The following CCDC91 variants were observed in gnomAD, a reference collection of about 807,000 sequenced individuals.
CCDC91 encodes the protein coiled-coil domain-containing protein 91.
Under a neutral mutation model 63.2 loss-of-function variants are expected in CCDC91, and 48 were observed. The observed-to-expected ratio is 0.76, with a 90% CI of 0.60 to 0.97. CCDC91 has a LOEUF of 0.97. Ranked by LOEUF, CCDC91 falls within the 50% of genes least tolerant of loss-of-function variation. The probability of loss-of-function intolerance (pLI) is 0.00; values close to 1 mark genes in which losing one functional copy is unlikely to be tolerated. For synonymous variants in CCDC91, 167 were observed against 165.8 expected (o/e 1.01, Z -0.06); for missense variants, 500 against 494.6 (o/e 1.01, Z -0.10).
At chr12:28,446,233 A>C (rs1949493939) in intron 8 of CCDC91, among the ~76,000 whole-genome samples, 1 of 152,224 alleles carries the variant, frequency 6.6e-6, no homozygotes, top group African/African-American at 2.4e-5. Context: ...AAATGTTCAT[A>C]GAACTAACAT....
chr12:28,536,002 G>A (rs763675824), intron 12 of CCDC91, among the ~76,000 whole-genome samples: 2 of 150,880 alleles, frequency 1.3e-5, no homozygotes, highest in Admixed American at 6.6e-5. Context: ...GCATTCCAGC[G>A]TGGGTGACAG....
At chr12:28,473,938 C>G (rs562575892) in intron 11 of CCDC91, among the ~76,000 whole-genome samples, 1 of 151,304 alleles carries the variant, frequency 6.6e-6, no homozygotes, top group South Asian at 2.1e-4. Flanking sequence ...ATGATCCACT[C>G]GGAAATTTAA....
chr12:28,494,493 C>T (rs1952178126), intron 12 of CCDC91, among the ~76,000 whole-genome samples: 1 of 151,636 alleles, frequency 6.6e-6, no homozygotes, highest in Non-Finnish European at 1.5e-5. Context: ...AGAAATTTTA[C>T]TGAGGTATAG....
intron 1 of CCDC91, among the ~76,000 whole-genome samples, chr12:28,219,112 A>G (rs1943762899): frequency 6.6e-6 from 1 of 152,156 alleles, no homozygotes; most frequent in South Asian, 2.1e-4. Flanking sequence ...CCAACACTTG[A>G]TATTGTGAAT....
At chr12:28,515,583 G>A (rs1478076007) in intron 12 of CCDC91, among the ~76,000 whole-genome samples, 1 of 151,806 alleles carries the variant, frequency 6.6e-6, no homozygotes, top group Non-Finnish European at 1.5e-5. Flanking sequence ...AAAATACATA[G>A]GAGAGTGATA....
chr12:28,338,029 A>AGTCTTG (rs1942120752), intron 6 of CCDC91, among the ~76,000 whole-genome samples: 1 of 152,184 alleles, frequency 6.6e-6, no homozygotes, highest in Non-Finnish European at 1.5e-5. Flanking sequence ...AAGAGACAGA[A>AGTCTTG]GTCTTGAATT....
At chr12:28,438,743 C>T (rs1197448726) in intron 8 of CCDC91, among the ~76,000 whole-genome samples, 1 of 151,952 alleles carries the variant, frequency 6.6e-6, no homozygotes, top group Non-Finnish European at 1.5e-5. Flanking sequence ...AGTTGAGAGA[C>T]TTACAACTTA....
chr12:28,397,406 G>A (rs1347928220), intron 8 of CCDC91, among the ~76,000 whole-genome samples: 2 of 152,104 alleles, frequency 1.3e-5, no homozygotes, highest in Non-Finnish European at 2.9e-5. Context: ...CCTATGAAGT[G>A]GAAACATTTT....
chr12:28,515,362 C>A (rs1939832632), intron 12 of CCDC91, among the ~76,000 whole-genome samples: 1 of 151,730 alleles, frequency 6.6e-6, no homozygotes. Context: ...TTCACATATC[C>A]ATGTATTCTC....
rs375599917 is a variant in CCDC91, at chr12:28,296,389, G to A, written c.110-9260G>A. 2.1e-4 allele frequency among the ~76,000 whole-genome samples: 32 copies of A among 151,846 alleles called. No homozygotes were observed. The South Asian group carries it at 6.3e-3, about 30-fold the overall frequency. ...GAACACTGTTATTCCTCAAAGAAGCGAGTAGAGGTGGAGTCTTTGTTTATA... is the reference window on the plus strand; with the variant it reads ...GAACACTGTTATTCCTCAAAGAAGCAAGTAGAGGTGGAGTCTTTGTTTATA... On this transcript the variant is annotated intron_variant, in intron 3 of 12. Transcript: ENST00000536442.
At chr12:28,408,397 G>A (rs1288347316) in intron 8 of CCDC91, among the ~76,000 whole-genome samples, 5 of 152,122 alleles carry the variant, frequency 3.3e-5, no homozygotes, top group Admixed American at 3.3e-4. Flanking sequence ...ATGGACATTT[G>A]GGTTTGTTCC....
chr12:28,197,356 G>C (rs951078351), intron 1 of CCDC91, among the ~76,000 whole-genome samples: 1 of 152,080 alleles, frequency 6.6e-6, no homozygotes, highest in Non-Finnish European at 1.5e-5. Context: ...TGTTTCCACT[G>C]ATCTATACAG....
chr12:28,532,529 CAG>C (rs372156112), intron 12 of CCDC91, among the ~76,000 whole-genome samples: 3 of 151,868 alleles, frequency 2.0e-5, no homozygotes, highest in African/African-American at 7.2e-5. Context: ...ATGGGAGAGA[CAG>C]AGGGATGAAT....
chr12:28,240,884 A>G (rs1461365826), intron 1 of CCDC91, among the ~76,000 whole-genome samples: 1 of 152,196 alleles, frequency 6.6e-6, no homozygotes, highest in Admixed American at 6.5e-5. Flanking sequence ...ATAAATACCT[A>G]GGAGTACAAT....
intron 12 of CCDC91, among the ~76,000 whole-genome samples, chr12:28,544,607 GAC>G (rs374774438): frequency 8.6e-5 from 13 of 151,356 alleles, no homozygotes; most frequent in Non-Finnish European, 1.2e-4. Context: ...ATGTGTATTT[GAC>G]ACACACACAC....
At position 28,384,467 on chromosome 12, in the gene CCDC91, A is replaced by G. The variant is rs545944357; in HGVS notation, c.655-6837A>G. ...CTTCCATGCATATGTGTAGCCCACC[A>G]AAATCAATGCTACATATTTTCATTC... On this transcript the variant is annotated intron_variant, in intron 7 of 12. Transcript: ENST00000536442. Among the ~76,000 whole-genome samples the G allele has an allele frequency of 6.6e-5, 10 of 152,248 alleles. No homozygotes were observed. The East Asian group carries it at 1.9e-3, about 29-fold the overall frequency.
intron 7 of CCDC91, among the ~76,000 whole-genome samples, chr12:28,387,176 C>T (rs1945656114): frequency 6.6e-6 from 1 of 152,146 alleles, no homozygotes; most frequent in African/African-American, 2.4e-5. Flanking sequence ...TGTATATCCA[C>T]AGTGCTTAAT....
At chr12:28,261,507 A>C (rs1251315976) in intron 3 of CCDC91, among the ~76,000 whole-genome samples, 2 of 151,998 alleles carry the variant, frequency 1.3e-5, no homozygotes, top group Non-Finnish European at 2.9e-5. Flanking sequence ...ACTGATGCCA[A>C]AGGCATTAGG....
At position 28,306,847 on chromosome 12, in the gene CCDC91, C is replaced by T; in HGVS notation, c.373C>T (p.Pro125Ser). The stretch of plus-strand genomic sequence containing the variant: ...TGCCCTTGTGGATGATTCTGAGGAT[C>T]CTGGAGCCAATGTATCTAACATACA... ...TIALVDDSED[P>S]GANVSNIQLQ... is the part of the protein sequence containing the mutation. The change falls in exon 5 of 13, where the codon CCT becomes TCT. Residue 125 changes from proline (P) to serine (S), a missense_variant. Coordinates refer to ENST00000536442, the MANE Select transcript of CCDC91 (RefSeq NM_018318.5). 1.2e-6 allele frequency: 2 copies of T among 1,611,968 alleles called. No individual in the cohort carries two copies. Among genetic ancestry groups the T allele is most frequent in the Non-Finnish European group, 1.7e-6 (2 of 1,178,566 alleles).
Sources: allele counts gnomAD v4.1 joint callset (sites outside exome capture counted in the v4.1 genomes callset), GRCh38; gene constraint gnomAD v4.1.1; transcripts MANE v1.5; gene names NCBI Gene and HGNC (gene_info 2026-07-23, HGNC 2026-07-21).